The following PLD1 variants were observed in gnomAD, a reference collection of about 807,000 sequenced individuals.
PLD1 encodes phospholipase D1.
PLD1 carries 112 observed loss-of-function variants against 137.1 expected under a neutral mutation model. The ratio of observed to expected loss-of-function variants is 0.82; its 90% confidence interval spans 0.70 to 0.96. The LOEUF (loss-of-function observed/expected upper bound fraction) is 0.96, where lower values mean the gene tolerates loss of function less well. Ranked by LOEUF, PLD1 falls within the 40% of genes least tolerant of loss-of-function variation. The pLI is 0.00. For missense variants in PLD1, 1,321 were observed against 1,342.0 expected (o/e 0.98, Z 0.24); for synonymous variants, 431 against 454.7 (o/e 0.95, Z 0.66).
rs569836232 is a variant in PLD1, at chr3:171,647,618, T to G, written c.2430-2595A>C. Among the ~76,000 whole-genome samples the G allele has an allele frequency of 1.8e-4, 28 of 152,140 alleles. No individual in the cohort carries two copies. In the South Asian group the frequency reaches 5.8e-3, roughly 32 times the overall value. ...GTGTGCACCACCACGCCCAGGTAAT[T>G]TTGTACTTTTAGTAGAGACGGGGTT... On this transcript the variant is annotated intron_variant, in intron 21 of 26. Transcript: ENST00000351298.
intron 8 of PLD1, chr3:171,721,605 T>G (rs953813422): frequency 3.9e-5 from 6 of 152,234 alleles, no homozygotes; most frequent in Admixed American, 3.9e-4. Context: ...AAAACTGTGG[T>G]TGGCATGTAG....
In PLD1 at chr3:171,656,134, T is replaced by C. The variant is rs191797352; in HGVS notation, c.2429+3079A>G. Among the ~76,000 whole-genome samples, 32 of 137,710 alleles carry C rather than the reference T, an allele frequency of 2.3e-4. 1 individual carries two copies. The East Asian group carries it at 6.1e-3, about 26-fold the overall frequency. 90.3% of individuals were successfully genotyped at this position (137,710 alleles called of 152,430 possible). A position where few individuals can be genotyped will look rare whatever the true frequency, so the allele number is the denominator to read the frequency against. On this transcript the variant is annotated intron_variant, in intron 21 of 26. Transcript: ENST00000351298. ...CTATCAGAAAATATCTTGAAGTTTC[T>C]TGTAGCCCTAAAATACTATAATTTT...
At chr3:171,776,515 C>T (rs968778973) in intron 1 of PLD1, among the ~76,000 whole-genome samples, 1 of 152,222 alleles carries the variant, frequency 6.6e-6, no homozygotes, top group Non-Finnish European at 1.5e-5. Context: ...AGACAGAAGA[C>T]TTTACTTAAG....
At chr3:171,777,794 T>TA (rs900162775) in intron 1 of PLD1, among the ~76,000 whole-genome samples, 5 of 151,136 alleles carry the variant, frequency 3.3e-5, no homozygotes, top group Admixed American at 1.3e-4. Flanking sequence ...CACCCTGCTT[T>TA]AAAAAAAAAC....
intron 1 of PLD1, among the ~76,000 whole-genome samples, chr3:171,751,173 A>T (rs1487048770): frequency 6.6e-6 from 1 of 152,232 alleles, no homozygotes; most frequent in African/African-American, 2.4e-5. Flanking sequence ...TCCATATTAT[A>T]GTCCCAAATA....
intron 1 of PLD1, among the ~76,000 whole-genome samples, chr3:171,742,493 C>T (rs982381972): frequency 9.3e-6 from 1 of 107,362 alleles, no homozygotes; most frequent in African/African-American, 4.9e-5. Context: ...TGCAAAAATT[C>T]ATTTTTTTCT....
intron 1 of PLD1, among the ~76,000 whole-genome samples, chr3:171,770,711 G>T (rs553876037): frequency 6.6e-6 from 1 of 151,400 alleles, no homozygotes; most frequent in East Asian, 1.9e-4. Context: ...GCAAAACCTG[G>T]TCTCTATAAA....
chr3:171,628,766 G>GA (rs1393827805), intron 23 of PLD1, among the ~76,000 whole-genome samples: 1 of 151,996 alleles, frequency 6.6e-6, no homozygotes, highest in Non-Finnish European at 1.5e-5. Flanking sequence ...AAAACCACGT[G>GA]ATTATCTCAA....
chr3:171,669,591 G>A (rs56177175), intron 19 of PLD1, among the ~76,000 whole-genome samples: 35,414 of 152,138 alleles, frequency 0.23, 4,414 homozygotes, highest in Admixed American at 0.3. Context: ...TAGTAGGACG[G>A]GGTTTTGCCA....
chr3:171,656,263 T>C (rs112093641), intron 21 of PLD1, among the ~76,000 whole-genome samples: 177 of 152,168 alleles, frequency 1.2e-3, no homozygotes, highest in African/African-American at 3.9e-3. Flanking sequence ...CTCCACCTCC[T>C]GGGTTCAAGC....
In PLD1 at chr3:171,737,987, C is replaced by T. The variant is rs1381897673; in HGVS notation, c.65G>A (p.Ser22Asn). ...SALQKIAADM[S>N]NIIENLDTRE... ...CGTGTCCAGATTTTCTATGATATTA[C>T]TCATGTCAGCAGCAATTTTCTGCAG... Residue 22 changes from serine (S) to asparagine (N), a missense_variant, in exon 2 of 27, where the codon AGT becomes AAT. Transcript: ENST00000351298. 3 of 1,613,964 alleles carry T rather than the reference C, an allele frequency of 1.9e-6. No individual in the cohort carries two copies. The South Asian group carries it at 3.3e-5, about 18-fold the overall frequency.
intron 1 of PLD1, among the ~76,000 whole-genome samples, chr3:171,761,686 C>T (rs1007158947): frequency 2.0e-5 from 3 of 152,290 alleles, no homozygotes; most frequent in East Asian, 1.9e-4. Context: ...AGAGTAGGCA[C>T]GTGGTAAGTC....
At chr3:171,665,874 T>C (rs1195845732) in intron 19 of PLD1, among the ~76,000 whole-genome samples, 3 of 152,170 alleles carry the variant, frequency 2.0e-5, no homozygotes, top group African/African-American at 7.2e-5. Context: ...CCGTATCCTT[T>C]ACTTACAATA....
chr3:171,665,945 C>A (rs1449472778), intron 19 of PLD1, among the ~76,000 whole-genome samples: 4 of 152,166 alleles, frequency 2.6e-5, no homozygotes, highest in African/African-American at 9.6e-5. Flanking sequence ...ATCTTTCAAG[C>A]AACACATGAA....
chr3:171,620,718 T>TTC (rs369273677), intron 23 of PLD1, among the ~76,000 whole-genome samples, 198 bp from the exon 24 acceptor site: 2,084 of 103,992 alleles, frequency 0.02, 29 homozygotes, highest in Admixed American at 0.023. Context: ...CTGAATGGCT[T>TTC]TCTCTCTCTC....
At chr3:171,687,171 T>C (rs1023046827) in intron 15 of PLD1, among the ~76,000 whole-genome samples, 200 bp downstream of exon 15, 2 of 152,218 alleles carry the variant, frequency 1.3e-5, no homozygotes, top group African/African-American at 2.4e-5. Flanking sequence ...TTTGTGTGGA[T>C]AAAACAATAA....
In PLD1 at chr3:171,659,273, T is replaced by G; in HGVS notation, c.2369A>C (p.Asp790Ala). ...GCCTATCTTGTTGAACACAACTTTG[T>G]CATCAGCACAGCTTATGAAAAACTG... ...ENQFFISCADDKVVFNKIGDA... is the reference protein window; with the variant it reads ...ENQFFISCADAKVVFNKIGDA... Residue 790 changes from aspartate (D) to alanine (A), a missense_variant, in exon 21 of 27, where the codon GAC becomes GCC. Transcript: ENST00000351298. The G allele has an allele frequency of 2.5e-6, 4 of 1,613,402 alleles. No homozygotes were observed. The highest frequency in any genetic ancestry group is 3.4e-6 in the Non-Finnish European group (4 of 1,179,264).
At chr3:171,716,108 TGTG>T (rs1380817075) in intron 8 of PLD1, among the ~76,000 whole-genome samples, 1 of 152,148 alleles carries the variant, frequency 6.6e-6, no homozygotes, top group Admixed American at 6.6e-5. Context: ...TTTCATATGC[TGTG>T]GTGTACATGT....
At position 171,765,262 on chromosome 3, in the gene PLD1, A is replaced by C. The variant is rs937969558; in HGVS notation, c.-31-27180T>G. On this transcript the variant is annotated intron_variant, in intron 1 of 26. Coordinates refer to ENST00000351298, the MANE Select transcript of PLD1 (RefSeq NM_002662.5). ...AAACGATTTCCAGAGCTCAGTATCAAGTGTTCTCTAGTCACTCCATGAGGC... is the reference window on the plus strand; with the variant it reads ...AAACGATTTCCAGAGCTCAGTATCACGTGTTCTCTAGTCACTCCATGAGGC... 3.9e-5 allele frequency: 6 copies of C among 152,348 alleles called. No homozygotes were observed. The East Asian group carries it at 1.2e-3, about 29-fold the overall frequency. 9.4% of individuals were successfully genotyped at this position (152,348 alleles called of 1,614,324 possible). A position where few individuals can be genotyped will look rare whatever the true frequency, so the allele number is the denominator to read the frequency against.
Sources: allele counts gnomAD v4.1 joint callset (sites outside exome capture counted in the v4.1 genomes callset), GRCh38; gene constraint gnomAD v4.1.1; transcripts MANE v1.5; gene names NCBI Gene and HGNC (gene_info 2026-07-23, HGNC 2026-07-21).